TMEM132B: variants seen among roughly 807,000 people sequenced by gnomAD.
TMEM132B encodes the protein transmembrane protein 132B.
TMEM132B carries 18 observed loss-of-function variants against 90.8 expected under a neutral mutation model. That is an observed-to-expected ratio of 0.20 (90% CI 0.14 to 0.29). The LOEUF is 0.29. TMEM132B is among the 10% of genes least tolerant of loss of function. The pLI is 1.00. For missense variants in TMEM132B, 1,096 were observed against 1,326.8 expected (o/e 0.83, Z 2.70); for synonymous variants, 504 against 523.3 (o/e 0.96, Z 0.50).
chr12:125,411,589 G>C (rs11611287), intron 2 of TMEM132B, among the ~76,000 whole-genome samples: 25,336 of 152,110 alleles, frequency 0.17, 2,341 homozygotes, highest in South Asian at 0.21. Flanking sequence ...CGTGTGAGGG[G>C]TTCCCTGCCT....
intron 1 of TMEM132B, among the ~76,000 whole-genome samples, chr12:125,250,097 C>T (rs1398260547): frequency 6.6e-6 from 1 of 152,232 alleles, no homozygotes; most frequent in African/African-American, 2.4e-5. Flanking sequence ...TCACCCTGGG[C>T]ACGGGCAGGT....
At chr12:125,499,721 G>A (rs993083845) in intron 3 of TMEM132B, among the ~76,000 whole-genome samples, 14 of 152,122 alleles carry the variant, frequency 9.2e-5, no homozygotes, top group African/African-American at 1.4e-4. Flanking sequence ...TGGTCTAACC[G>A]GTTGTCTAGC....
intron 1 of TMEM132B, among the ~76,000 whole-genome samples, chr12:125,254,161 T>C (rs774735857): frequency 1.1e-4 from 17 of 152,044 alleles, no homozygotes; most frequent in Non-Finnish European, 2.1e-4. Context: ...CTGTGGTGCA[T>C]GTCTGTGGTC....
intron 1 of TMEM132B, among the ~76,000 whole-genome samples, chr12:125,303,096 T>TC (rs1244789571): frequency 1.8e-4 from 28 of 151,662 alleles, no homozygotes; most frequent in African/African-American, 6.5e-4. Context: ...ACTCTGCATA[T>TC]TAAAAAAAAA....
At chr12:125,540,459 T>C (rs1039365311) in intron 4 of TMEM132B, among the ~76,000 whole-genome samples, 1 of 152,248 alleles carries the variant, frequency 6.6e-6, no homozygotes, top group Non-Finnish European at 1.5e-5. Context: ...TGTAGTTCTA[T>C]CAGATTTTGC....
chr12:125,514,058 G>A (rs1253526252), intron 3 of TMEM132B, among the ~76,000 whole-genome samples: 2 of 152,148 alleles, frequency 1.3e-5, no homozygotes, highest in Non-Finnish European at 1.5e-5. Flanking sequence ...GGCTTTTGAG[G>A]AACTTACTGT....
intron 2 of TMEM132B, among the ~76,000 whole-genome samples, chr12:125,370,691 G>C (rs1388428976): frequency 2.0e-5 from 3 of 152,200 alleles, no homozygotes; most frequent in Non-Finnish European, 4.4e-5. Context: ...TTATAGGCAT[G>C]AGCTACCGCA....
chr12:125,554,375 A>T (rs559913489), intron 4 of TMEM132B, among the ~76,000 whole-genome samples: 77 of 142,992 alleles, frequency 5.4e-4, no homozygotes, highest in African/African-American at 1.9e-3. Context: ...CAGTGAGCCG[A>T]GATAGTGCCA....
chr12:125,623,882 C>G (rs1886170046), intron 5 of TMEM132B, among the ~76,000 whole-genome samples: 2 of 152,190 alleles, frequency 1.3e-5, no homozygotes, highest in South Asian at 4.1e-4. Flanking sequence ...AAGACAGTGA[C>G]TTGTCCTCTC....
At position 125,287,901 on chromosome 12, in the gene TMEM132B, T is replaced by G. The variant is rs148204864; in HGVS notation, c.68-61551T>G. ...TCTTTTTTTTGAGACAGTGTCTCAC[T>G]CTGTCGCCCAGGCTGGAGTGCAATG... On this transcript the variant is annotated intron_variant, in intron 1 of 8. Transcript: ENST00000682704. Among the ~76,000 whole-genome samples, 318 of 152,228 alleles carry G rather than the reference T, an allele frequency of 2.1e-3. 4 individuals are homozygous for G. The highest frequency in any genetic ancestry group is 0.018 in the East Asian group (95 of 5,140).
chr12:125,529,115 C>T (rs1883578087), intron 4 of TMEM132B, among the ~76,000 whole-genome samples: 2 of 151,810 alleles, frequency 1.3e-5, no homozygotes, highest in Non-Finnish European at 2.9e-5. Flanking sequence ...GATAAAGCCT[C>T]ACTCTGTTGC....
intron 3 of TMEM132B, among the ~76,000 whole-genome samples, chr12:125,488,127 T>C (rs576514705): frequency 6.6e-6 from 1 of 152,308 alleles, no homozygotes; most frequent in Admixed American, 6.5e-5. Flanking sequence ...AGAAGGAAAC[T>C]TCTTAATTTG....
chr12:125,633,953 C>G (rs914596691), intron 5 of TMEM132B, among the ~76,000 whole-genome samples: 4 of 152,174 alleles, frequency 2.6e-5, no homozygotes, highest in Non-Finnish European at 4.4e-5. Context: ...TTGCTCAAGG[C>G]CCTGGGGCTC....
intron 1 of TMEM132B, among the ~76,000 whole-genome samples, chr12:125,284,027 C>G (rs1007979285): frequency 2.6e-5 from 4 of 152,214 alleles, no homozygotes; most frequent in African/African-American, 9.7e-5. Flanking sequence ...CCACTCAGTT[C>G]TACCCCAGGA....
chr12:125,231,540 T>C (rs1464034765), intron 1 of TMEM132B, among the ~76,000 whole-genome samples: 1 of 152,216 alleles, frequency 6.6e-6, no homozygotes, highest in Non-Finnish European at 1.5e-5. Flanking sequence ...GTGAATAATC[T>C]GGCACATTTA....
At chr12:125,275,394 A>G (rs952217686) in intron 1 of TMEM132B, among the ~76,000 whole-genome samples, 1 of 152,192 alleles carries the variant, frequency 6.6e-6, no homozygotes, top group African/African-American at 2.4e-5. Context: ...AGCACCCATT[A>G]TGTGTCAGGC....
At chr12:125,346,818 T>C (rs1228646186) in intron 1 of TMEM132B, among the ~76,000 whole-genome samples, 4 of 152,266 alleles carry the variant, frequency 2.6e-5, no homozygotes, top group African/African-American at 4.8e-5. Context: ...AGATTTGAGA[T>C]AATTTAAAGG....
intron 3 of TMEM132B, among the ~76,000 whole-genome samples, chr12:125,451,330 T>C (rs1235022137): frequency 6.6e-6 from 1 of 152,108 alleles, no homozygotes; most frequent in African/African-American, 2.4e-5. Flanking sequence ...GTAAATTACT[T>C]CTAGATGGTT....
At chr12:125,620,083 G>A (rs1266608110) in intron 5 of TMEM132B, among the ~76,000 whole-genome samples, 1 of 152,184 alleles carries the variant, frequency 6.6e-6, no homozygotes, top group Non-Finnish European at 1.5e-5. Flanking sequence ...ATAAATCATA[G>A]TTGCGATGTG....
Sources: allele counts gnomAD v4.1 joint callset (sites outside exome capture counted in the v4.1 genomes callset), GRCh38; gene constraint gnomAD v4.1.1; transcripts MANE v1.5; gene names NCBI Gene and HGNC (gene_info 2026-07-23, HGNC 2026-07-21).